The following RS1 variants were observed in gnomAD, a reference collection of about 807,000 sequenced individuals.
RS1 encodes retinoschisin.
RS1 carries 2 observed loss-of-function variants against 20.8 expected under a neutral mutation model. That is an observed-to-expected ratio of 0.10 (90% CI 0.04 to 0.30). The LOEUF (loss-of-function observed/expected upper bound fraction) is 0.30, where lower values mean the gene tolerates loss of function less well. Among genes scored for constraint, RS1 ranks in the 10% least tolerant of loss-of-function variants. The pLI is 1.00. For synonymous variants in RS1, 70 were observed against 75.8 expected, an observed-to-expected ratio of 0.92 and a Z score of 0.40; for missense variants, 151 against 189.8, an observed-to-expected ratio of 0.80 and a Z score of 1.20.
At chrX:18,642,314 G>T (rs1927614864) in intron 5 of RS1, among the ~76,000 whole-genome samples, 158 bp from the exon 6 acceptor site, 1 of 112,031 alleles carries the variant, frequency 8.9e-6, no homozygotes. Flanking sequence ...TTGAGTGATT[G>T]TCATCACACC....
chrX:18,653,365 G>A, intron 3 of RS1: 3 of 1,188,812 alleles, frequency 2.5e-6, no homozygotes, highest in Non-Finnish European at 3.4e-6. Context: ...CCGGGCATTA[G>A]CCAGAGTGCA....
rs1927706977 is a variant in RS1 at position 18,644,639 on chromosome X, A to T, written c.327-14T>A. The T allele has an allele frequency of 1.7e-6, 2 of 1,203,385 alleles. No individual in the cohort carries two copies. The highest frequency in any genetic ancestry group is 2.2e-6 in the Non-Finnish European group (2 of 889,305). On this transcript the variant is annotated splice_polypyrimidine_tract_variant and intron_variant, in intron 4 of 5. Transcript: ENST00000379984. ...AGCCAGGCACACCTGCCGAGAACAT[A>T]CCGAGTCACCGAGAGACTCCCCCTG...
rs774867069 is a variant in RS1 at position 18,669,361 on chromosome X, C to A, written c.52+2656G>T. 3.3e-3 allele frequency among the ~76,000 whole-genome samples: 355 copies of A among 108,073 alleles called. 2 individuals are homozygous for A. Among genetic ancestry groups the A allele is most frequent in the Middle Eastern group, 0.023 (5 of 214 alleles). 93.8% of individuals were successfully genotyped at this position (108,073 alleles called of 115,157 possible). On this transcript the variant is annotated intron_variant, in intron 1 of 5. Coordinates refer to ENST00000379984, the MANE Select transcript of RS1 (RefSeq NM_000330.4). ...CAAAAATGATCCGGGCGTGGTGGCA[C>A]ACGTCTGTAATCCCAGCCACTCGGG...
chrX:18,651,827 G>A (rs1928061531), intron 3 of RS1, among the ~76,000 whole-genome samples: 1 of 111,411 alleles, frequency 9.0e-6, no homozygotes, highest in Non-Finnish European at 1.9e-5. Context: ...TTCTCTTATT[G>A]TGATTTTTCC....
chrX:18,646,032 G>C lies in RS1; in HGVS notation c.326+1159C>G, dbSNP rs587783160. 6.9e-5 allele frequency: 83 copies of C among 1,210,208 alleles called. No individual in the cohort carries two copies. The highest frequency in any genetic ancestry group is 9.0e-5 in the Non-Finnish European group (81 of 895,324). On this transcript the variant is annotated intron_variant, in intron 4 of 5. Coordinates refer to ENST00000379984, the MANE Select transcript of RS1 (RefSeq NM_000330.4). The stretch of plus-strand genomic sequence containing the variant: ...ACGGTGGATGTGATGGCAGAAGACA[G>C]AGACACCATTCTGGACCCCAAGATA...
chrX:18,659,854 T>C (rs978842080), intron 1 of RS1, among the ~76,000 whole-genome samples: 1 of 111,586 alleles, frequency 9.0e-6, no homozygotes, highest in African/African-American at 3.3e-5. Flanking sequence ...AAGCAGGCCA[T>C]CAAACCTAGG....
intron 3 of RS1, among the ~76,000 whole-genome samples, chrX:18,650,911 G>C (rs1928001294): frequency 8.9e-6 from 1 of 112,442 alleles, no homozygotes; most frequent in Non-Finnish European, 1.9e-5. Flanking sequence ...ATTGCTGTAA[G>C]ATTGAGTGAA....
rs1283914824 is a variant in RS1, at chrX:18,640,594, T to A, written c.*1410A>T. On this transcript the variant is annotated 3_prime_UTR_variant, in exon 6 of 6. Transcript: ENST00000379984. ...TGAGCCCCCAAAGCATCAAGAAGGA[T>A]GTTTGGGGCTTTTAGAAGGCTGCCT... is the stretch of plus-strand genomic sequence containing the variant. The A allele has an allele frequency of 1.8e-5, 2 of 111,185 alleles. No individual in the cohort carries two copies. Among genetic ancestry groups the A allele is most frequent in the East Asian group, 2.8e-4 (1 of 3,539 alleles). The allele number at this position is 111,185 out of a possible 1,213,427, so 9.2% of individuals were successfully genotyped here. A position where few individuals can be genotyped will look rare whatever the true frequency, so the allele number is the denominator to read the frequency against.
At chrX:18,650,147 C>T (rs1036514867) in intron 3 of RS1, 2 of 413,768 alleles carry the variant, frequency 4.8e-6, no homozygotes, top group Admixed American at 4.1e-5. Flanking sequence ...GCTCATCTAA[C>T]ACTCCAGAGC....
intron 1 of RS1, among the ~76,000 whole-genome samples, chrX:18,667,975 C>G (rs111471125): frequency 1.8e-5 from 2 of 111,693 alleles, no homozygotes; most frequent in African/African-American, 6.5e-5. Context: ...TAATCACCAA[C>G]AAACTGGAGA....
In RS1 at chrX:18,650,956, C is replaced by G. The variant is rs757199144; in HGVS notation, c.185-3624G>C. On this transcript the variant is annotated intron_variant, in intron 3 of 5. Coordinates refer to ENST00000379984, the MANE Select transcript of RS1 (RefSeq NM_000330.4). ...AGATTGTAGAGTTCGTAGAGCACAG[C>G]GTCTTGCCAAAAAGCAGCAGGTGCA... 2.7e-5 allele frequency among the ~76,000 whole-genome samples: 3 copies of G among 112,078 alleles called. No individual in the cohort carries two copies. In the East Asian group the frequency reaches 8.4e-4, roughly 32 times the overall value.
rs374054249 is a variant in RS1, at chrX:18,650,553, C to T, written c.185-3221G>A. 21 of 1,212,162 alleles carry T rather than the reference C, an allele frequency of 1.7e-5. No individual in the cohort carries two copies. Among genetic ancestry groups the T allele is most frequent in the South Asian group, 3.5e-5 (2 of 57,035 alleles). On this transcript the variant is annotated intron_variant, in intron 3 of 5. Transcript: ENST00000379984. ...TTCCATGTGCCCGACACTCCAGGTC[C>T]GAGGCACTGATGCTTTCAGCTGCCC...
chrX:18,662,811 T>A (rs777549479), intron 1 of RS1, among the ~76,000 whole-genome samples: 120 of 109,681 alleles, frequency 1.1e-3, no homozygotes, highest in African/African-American at 3.8e-3. Context: ...GTATTTTTAG[T>A]AGAGACGGGG....
At chrX:18,642,722 C>T (rs1927627833) in intron 5 of RS1, among the ~76,000 whole-genome samples, 1 of 112,480 alleles carries the variant, frequency 8.9e-6, no homozygotes, top group African/African-American at 3.2e-5. Context: ...ACCTTTCCAA[C>T]TTGGAAAATG....
intron 3 of RS1, chrX:18,653,478 C>T (rs1237257643): frequency 8.3e-7 from 1 of 1,211,631 alleles, no homozygotes; most frequent in South Asian, 1.8e-5. Context: ...CCCTGATTCA[C>T]AGGGCCCAGG....
chrX:18,663,032 C>CTTT lies in RS1; in HGVS notation c.53-5370_53-5368dup, dbSNP rs55857398. 7.3e-3 allele frequency among the ~76,000 whole-genome samples: 543 copies of CTTT among 74,675 alleles called. 41 individuals are homozygous for CTTT. The highest frequency in any genetic ancestry group is 0.033 in the African/African-American group (515 of 15,468). The allele number at this position is 74,675 out of a possible 115,157, so 64.8% of individuals were successfully genotyped here. ...TTTGGGTTGGTTCCAAGAACAATGA[C>CTTT]TTTTTTTTTTTTTTTTTTTTTTTTT... On this transcript the variant is annotated intron_variant, in intron 1 of 5. Transcript: ENST00000379984.
Position 18,672,060 on chromosome X carries a change from G to T in RS1, c.9C>A (p.Arg3=). 8.3e-7 allele frequency: 1 copy of T among 1,210,020 alleles called. No individual in the cohort carries two copies. Among genetic ancestry groups the T allele is most frequent in the Non-Finnish European group, 1.1e-6 (1 of 894,413 alleles). Residue 3 remains arginine (R), a synonymous_variant, in exon 1 of 6, where the codon CGC becomes CGA. Coordinates refer to ENST00000379984, the MANE Select transcript of RS1 (RefSeq NM_000330.4). MS[R]KIEGFLLLLL... ...GTAATAACAAAAAGCCTTCTATCTT[G>T]CGTGACATCTTCCCCTCGTCCTCGG...
chrX:18,649,881 G>A (rs1284411398), intron 3 of RS1, among the ~76,000 whole-genome samples: 2 of 111,744 alleles, frequency 1.8e-5, no homozygotes, highest in African/African-American at 3.3e-5. Context: ...AGGTGGCAGG[G>A]ATTTTTCATG....
chrX:18,653,133 C>G (rs913695280), intron 3 of RS1, among the ~76,000 whole-genome samples: 2 of 112,269 alleles, frequency 1.8e-5, no homozygotes, highest in Non-Finnish European at 3.8e-5. Flanking sequence ...ATCATAAGCT[C>G]AAGCATCATA....
Sources: gnomAD v4.1 joint callset for allele counts (sites outside exome capture counted in the v4.1 genomes callset) on GRCh38, gnomAD v4.1.1 for gene constraint, MANE v1.5 for transcripts, NCBI Gene and HGNC (gene_info 2026-07-23, HGNC 2026-07-21) for gene names.